The following RUNX1 variants were observed in gnomAD, a reference collection of about 807,000 sequenced individuals.
RUNX1 encodes the protein RUNX family transcription factor 1, also known as runt-related transcription factor 1.
Under a neutral mutation model 42.8 loss-of-function variants are expected in RUNX1, and 19 were observed. The ratio of observed to expected loss-of-function variants is 0.44; its 90% CI spans 0.31 to 0.65. The LOEUF (loss-of-function observed/expected upper bound fraction) is 0.65. Ranked by LOEUF, RUNX1 falls within the 30% of genes least tolerant of loss-of-function variation. RUNX1 has a pLI of 0.07. For missense variants in RUNX1, 528 were observed against 672.0 expected (o/e 0.79, Z 2.37); for synonymous variants, 271 against 289.4 (o/e 0.94, Z 0.64).
chr21:35,011,042 T>C (rs1303354613), intron 2 of RUNX1, among the ~76,000 whole-genome samples: 2 of 152,226 alleles, frequency 1.3e-5, no homozygotes, highest in South Asian at 2.1e-4. Flanking sequence ...CAAAATGCTA[T>C]AAATAGAATG....
intron 2 of RUNX1, among the ~76,000 whole-genome samples, chr21:35,010,625 G>GCACA (rs113068635): frequency 6.6e-4 from 95 of 143,698 alleles, no homozygotes; most frequent in Middle Eastern, 3.6e-3. Flanking sequence ...ACACACACAC[G>GCACA]CACACACACA....
At chr21:34,951,700 T>G (rs1398703419) in intron 2 of RUNX1, among the ~76,000 whole-genome samples, 1 of 152,190 alleles carries the variant, frequency 6.6e-6, no homozygotes, top group Non-Finnish European at 1.5e-5. Flanking sequence ...CCAGTTAGAA[T>G]GGTGATCATT....
At chr21:34,856,222 G>A (rs2057493376) in intron 6 of RUNX1, 2 of 420,442 alleles carry the variant, frequency 4.8e-6, no homozygotes, top group Non-Finnish European at 9.6e-6. Flanking sequence ...CTTAGTCAGC[G>A]GAATGGCAGG....
intron 6 of RUNX1, among the ~76,000 whole-genome samples, chr21:34,856,868 C>A (rs1166169011): frequency 6.6e-6 from 1 of 152,150 alleles, no homozygotes; most frequent in Non-Finnish European, 1.5e-5. Context: ...TCCTGATTTA[C>A]ATGCAGTGTC....
At chr21:34,961,049 G>A (rs1023729989) in intron 2 of RUNX1, among the ~76,000 whole-genome samples, 2 of 152,204 alleles carry the variant, frequency 1.3e-5, no homozygotes, top group African/African-American at 2.4e-5. Context: ...TTAGTGACAA[G>A]ATTTTAACAA....
At chr21:35,040,428 C>T (rs996905049) in intron 2 of RUNX1, among the ~76,000 whole-genome samples, 5 of 152,108 alleles carry the variant, frequency 3.3e-5, no homozygotes, top group Admixed American at 3.3e-4. Flanking sequence ...GGAAGTGCTT[C>T]TCTCTTGAGC....
chr21:34,931,343 T>TA (rs886915609), intron 2 of RUNX1, among the ~76,000 whole-genome samples: 12 of 146,028 alleles, frequency 8.2e-5, no homozygotes, highest in African/African-American at 3.1e-4. Flanking sequence ...CATTTATATA[T>TA]ATATATACAT....
At chr21:34,860,331 G>A (rs2146241400) in intron 5 of RUNX1, among the ~76,000 whole-genome samples, 1 of 152,338 alleles carries the variant, frequency 6.6e-6, no homozygotes, top group South Asian at 2.1e-4. Context: ...TTGGTAAAGT[G>A]ATTCAGAAGA....
At chr21:35,024,948 T>C (rs1316665644) in intron 2 of RUNX1, among the ~76,000 whole-genome samples, 1 of 152,236 alleles carries the variant, frequency 6.6e-6, no homozygotes, top group Non-Finnish European at 1.5e-5. Flanking sequence ...CCAAGGAAGC[T>C]TGACAATACC....
At chr21:34,857,890 T>C (rs1384575911) in intron 6 of RUNX1, among the ~76,000 whole-genome samples, 1 of 152,218 alleles carries the variant, frequency 6.6e-6, no homozygotes, top group African/African-American at 2.4e-5. Context: ...GTCTATGGCC[T>C]GCTTTTCACT....
At chr21:34,851,061 C>G (rs548030861) in intron 6 of RUNX1, among the ~76,000 whole-genome samples, 53 of 152,320 alleles carry the variant, frequency 3.5e-4, no homozygotes, top group African/African-American at 1.2e-3. Context: ...GCTGCTCCCC[C>G]AGGAATCGGC....
At chr21:34,959,285 A>G (rs1474511578) in intron 2 of RUNX1, among the ~76,000 whole-genome samples, 1 of 152,072 alleles carries the variant, frequency 6.6e-6, no homozygotes, top group East Asian at 1.9e-4. Context: ...GGGAACAAAG[A>G]AGTGCACTGT....
chr21:34,876,769 G>A (rs1411379050), intron 5 of RUNX1, among the ~76,000 whole-genome samples: 1 of 152,218 alleles, frequency 6.6e-6, no homozygotes, highest in South Asian at 2.1e-4. Context: ...TACTAAAGCT[G>A]TATTTCCTGA....
intron 6 of RUNX1, among the ~76,000 whole-genome samples, chr21:34,835,250 C>T (rs963378777): frequency 1.3e-5 from 2 of 152,120 alleles, no homozygotes; most frequent in African/African-American, 2.4e-5. Context: ...TCCCTGAAGC[C>T]GACTCCCCCA....
At chr21:34,988,697 G>GAC (rs1338374635) in intron 2 of RUNX1, among the ~76,000 whole-genome samples, 2 of 152,108 alleles carry the variant, frequency 1.3e-5, no homozygotes, top group African/African-American at 4.8e-5. Flanking sequence ...CCCCTCACCT[G>GAC]ACATCCGGAC....
intron 2 of RUNX1, among the ~76,000 whole-genome samples, chr21:35,011,082 A>ACC (rs1394666893): frequency 6.6e-5 from 10 of 152,194 alleles, no homozygotes; most frequent in Non-Finnish European, 2.9e-5. Flanking sequence ...TCGATTTGCT[A>ACC]GTAGGTTGGT....
chr21:35,013,042 G>A (rs2059136653), intron 2 of RUNX1, among the ~76,000 whole-genome samples: 1 of 152,176 alleles, frequency 6.6e-6, no homozygotes, highest in Non-Finnish European at 1.5e-5. Context: ...TCAGTTTGCT[G>A]AGCCCTGATT....
intron 2 of RUNX1, among the ~76,000 whole-genome samples, chr21:34,935,121 A>G (rs1231792104): frequency 6.6e-6 from 1 of 152,178 alleles, no homozygotes; most frequent in East Asian, 1.9e-4. Context: ...TAGAGAGCAA[A>G]TAGAAATACA....
In RUNX1 at chr21:34,889,655, C is replaced by T. The variant is rs781774710; in HGVS notation, c.98-2559G>A. ...CTCTCCCCGCCCCCGTGCGCTCGAG[C>T]GGCCCCAGGTGCGGAACCCACCCCG... On this transcript the variant is annotated intron_variant, in intron 3 of 8. Transcript: ENST00000675419. 5 of 1,117,458 alleles carry T rather than the reference C, an allele frequency of 4.5e-6. No homozygotes were observed. In the South Asian group the frequency reaches 6.7e-5, roughly 15 times the overall value. 69.2% of individuals were successfully genotyped at this position (1,117,458 alleles called of 1,614,324 possible).
Sources: gnomAD v4.1 joint callset for allele counts (sites outside exome capture counted in the v4.1 genomes callset) on GRCh38, gnomAD v4.1.1 for gene constraint, MANE v1.5 for transcripts, NCBI Gene and HGNC (gene_info 2026-07-23, HGNC 2026-07-21) for gene names.